DENND5B: variants seen among roughly 807,000 people sequenced by gnomAD.
DENND5B encodes the protein DENN domain-containing protein 5B.
Under a neutral mutation model 140.6 loss-of-function variants are expected in DENND5B, and 34 were observed. That is an observed-to-expected ratio of 0.24 (90% CI 0.18 to 0.32). The LOEUF (loss-of-function observed/expected upper bound fraction) is 0.32. Ranked by LOEUF, DENND5B falls within the 10% of genes least tolerant of loss-of-function variation. The pLI is 1.00. For missense variants in DENND5B, 1,142 were observed against 1,560.2 expected, an observed-to-expected ratio of 0.73 and a Z score of 4.52; for synonymous variants, 551 against 562.1, an observed-to-expected ratio of 0.98 and a Z score of 0.28.
At chr12:31,537,053 G>A (rs1339793014) in intron 1 of DENND5B, among the ~76,000 whole-genome samples, 2 of 152,142 alleles carry the variant, frequency 1.3e-5, no homozygotes, top group African/African-American at 4.8e-5. Context: ...ATCAACACCA[G>A]ATCTAGCCTA....
At chr12:31,471,563 T>C (rs1379367288) in intron 3 of DENND5B, among the ~76,000 whole-genome samples, 2 of 147,904 alleles carry the variant, frequency 1.4e-5, no homozygotes, top group African/African-American at 2.5e-5. Context: ...GAGGTAGAGA[T>C]GGAGTTTCAC....
chr12:31,476,512 T>G (rs1445651217), intron 3 of DENND5B, among the ~76,000 whole-genome samples: 1 of 151,660 alleles, frequency 6.6e-6, no homozygotes, highest in East Asian at 1.9e-4. Context: ...CTATTATCCC[T>G]ATAGAGATGT....
intron 9 of DENND5B, among the ~76,000 whole-genome samples, chr12:31,425,619 G>C (rs915208595): frequency 1.3e-5 from 2 of 152,206 alleles, no homozygotes; most frequent in African/African-American, 4.8e-5. Context: ...ATTTGCATCA[G>C]TCTTAGTAGC....
Position 31,469,697 on chromosome 12 carries a change from T to G in DENND5B, c.905-9316A>C, listed in dbSNP as rs570411221. On this transcript the variant is annotated intron_variant, in intron 3 of 20. Transcript: ENST00000389082. ...GGCCCCAATGTTGGAGGTGAGGTGTTTGGGTCCTGGGGGTGGATCTCTCAT... is the reference window on the plus strand; with the variant it reads ...GGCCCCAATGTTGGAGGTGAGGTGTGTGGGTCCTGGGGGTGGATCTCTCAT... Among the ~76,000 whole-genome samples, 3 of 152,280 alleles carry G rather than the reference T, an allele frequency of 2.0e-5. No homozygotes were observed. The South Asian group carries it at 6.2e-4, about 32-fold the overall frequency.
chr12:31,413,473 G>T lies in DENND5B; in HGVS notation c.2644C>A (p.His882Asn). 3 of 1,613,884 alleles carry T rather than the reference G, an allele frequency of 1.9e-6. No individual in the cohort carries two copies. The highest frequency in any genetic ancestry group is 2.5e-6 in the Non-Finnish European group (3 of 1,179,816). ...LSLEKKLLSQ[H>N]LKQLLSNQPL... is the part of the protein sequence containing the mutation. ...TGGTTAGAAAGCAACTGCTTAAGAT[G>T]CTGGGACAAGAGCTTCTTTTCTAGA... Residue 882 changes from histidine (H) to asparagine (N), a missense_variant, in exon 13 of 21, where the codon CAT becomes AAT. Around this residue, in one of 5 missense-constraint regions of DENND5B, gnomAD observed 268 missense variants for 349.2 expected, o/e 0.77. Transcript: ENST00000389082.
At chr12:31,437,544 C>T (rs573151600) in intron 7 of DENND5B, among the ~76,000 whole-genome samples, 12 of 152,254 alleles carry the variant, frequency 7.9e-5, no homozygotes, top group African/African-American at 2.6e-4. Flanking sequence ...ACTGTATTTC[C>T]TTTATTCCAA....
intron 1 of DENND5B, 36 bp downstream of exon 1, chr12:31,590,670 T>C: frequency 1.4e-6 from 2 of 1,440,218 alleles, no homozygotes; most frequent in Non-Finnish European, 9.1e-7. Flanking sequence ...CCCGCGCCCC[T>C]GAGGGGGCTC....
chr12:31,553,560 C>A (rs1348944196), intron 1 of DENND5B, among the ~76,000 whole-genome samples: 1 of 152,104 alleles, frequency 6.6e-6, no homozygotes, highest in Non-Finnish European at 1.5e-5. Flanking sequence ...GTGGAGAGTT[C>A]TGTAGATGTC....
At chr12:31,570,841 A>G (rs1037272753) in intron 1 of DENND5B, among the ~76,000 whole-genome samples, 11 of 152,064 alleles carry the variant, frequency 7.2e-5, no homozygotes, top group Non-Finnish European at 1.6e-4. Flanking sequence ...TGGTCTAAAC[A>G]TTTGAAACTC....
chr12:31,494,691 T>C (rs1380234005), intron 2 of DENND5B, among the ~76,000 whole-genome samples: 7 of 152,180 alleles, frequency 4.6e-5, no homozygotes, highest in South Asian at 2.1e-4. Flanking sequence ...CAGCCTCTGA[T>C]TGGTTGTATG....
At chr12:31,476,400 T>A (rs183784126) in intron 3 of DENND5B, among the ~76,000 whole-genome samples, 1 of 151,272 alleles carries the variant, frequency 6.6e-6, no homozygotes, top group East Asian at 1.9e-4. Flanking sequence ...GCATCAGCTA[T>A]CATTTAGTCA....
intron 17 of DENND5B, among the ~76,000 whole-genome samples, chr12:31,395,942 CAAAAAAAAA>C (rs541816511): frequency 1.1e-5 from 1 of 91,822 alleles, no homozygotes; most frequent in African/African-American, 4.3e-5. Context: ...ATCACTGGGC[CAAAAAAAAA>C]AAAAAAAAAA....
intron 20 of DENND5B, 97 bp from the exon 21 acceptor site, chr12:31,387,883 T>G (rs1940924186): frequency 7.9e-7 from 1 of 1,265,650 alleles, no homozygotes; most frequent in Admixed American, 2.4e-5. Flanking sequence ...GTGTGGGACT[T>G]GATGGTACAA....
intron 2 of DENND5B, among the ~76,000 whole-genome samples, chr12:31,484,582 T>C (rs994556201): frequency 8.5e-5 from 13 of 152,072 alleles, no homozygotes; most frequent in Admixed American, 1.3e-4. Context: ...AGCAGGCGGA[T>C]TGCCTGAGCT....
At chr12:31,506,080 C>G (rs553893578) in intron 1 of DENND5B, among the ~76,000 whole-genome samples, 2 of 152,062 alleles carry the variant, frequency 1.3e-5, no homozygotes, top group African/African-American at 4.8e-5. Flanking sequence ...GTGATCTGCC[C>G]GCCTCAGCCT....
chr12:31,416,251 C>A (rs1182813550), intron 11 of DENND5B, among the ~76,000 whole-genome samples: 1 of 151,870 alleles, frequency 6.6e-6, no homozygotes, highest in South Asian at 2.1e-4. Flanking sequence ...AAGGACCAGG[C>A]ACTTTTTTTT....
Position 31,452,182 on chromosome 12 carries a change from G to A in DENND5B, c.1387C>T (p.Arg463Cys), listed in dbSNP as rs753825505. Residue 463 changes from arginine to cysteine, a missense_variant, in exon 5 of 21, where the codon CGT becomes TGT. Around this residue, in one of 5 missense-constraint regions of DENND5B, gnomAD observed 708 missense variants for 905.5 expected, o/e 0.78. Coordinates refer to ENST00000389082, the MANE Select transcript of DENND5B (RefSeq NM_144973.4). Reference protein sequence around the residue: ...TIARLQALAKRTGVAVEKMDL... With the variant: ...TIARLQALAKCTGVAVEKMDL... ...ATTTTTTCCACAGCCACACCAGTAC[G>A]CTTGGCCAGAGCCTGCAAGCGGGCT... is the stretch of plus-strand genomic sequence containing the variant. 32 of 1,613,948 alleles carry A rather than the reference G, an allele frequency of 2.0e-5. No homozygotes were observed. The highest frequency in any genetic ancestry group is 2.3e-5 in the Non-Finnish European group (27 of 1,179,898).
At chr12:31,534,648 G>A (rs1948416623) in intron 1 of DENND5B, 1 of 203,716 alleles carries the variant, frequency 4.9e-6, no homozygotes, top group African/African-American at 2.4e-5. Context: ...TTGTCTTATG[G>A]GAATATTTTA....
rs890236048 is a variant in DENND5B, at chr12:31,553,910, T to G, written c.127+36796A>C. 3.4e-3 allele frequency among the ~76,000 whole-genome samples: 512 copies of G among 152,306 alleles called. 3 individuals carry two copies. The highest frequency in any genetic ancestry group is 0.011 in the African/African-American group (473 of 41,556). Reference sequence around the variant, plus strand: ...CCCCTGCCTTTTTTTGTTTTCCATTTGCTTGGTAGATCTTCCTCCATCCCT... The same window carrying G: ...CCCCTGCCTTTTTTTGTTTTCCATTGGCTTGGTAGATCTTCCTCCATCCCT... On this transcript the variant is annotated intron_variant, in intron 1 of 20. Transcript: ENST00000389082.
Sources: gnomAD v4.1 joint callset for allele counts (sites outside exome capture counted in the v4.1 genomes callset) on GRCh38, gnomAD v4.1.1 for gene constraint, gnomAD v4.1.1 regional missense constraint, MANE v1.5 for transcripts, NCBI Gene and HGNC (gene_info 2026-07-23, HGNC 2026-07-21) for gene names.